The following NR1D2 variants were observed in gnomAD, a reference collection of about 807,000 sequenced individuals.
NR1D2 encodes nuclear receptor subfamily 1 group D member 2.
In NR1D2, 25 loss-of-function variants were observed where a neutral mutation model predicts 52.2. That is an observed-to-expected ratio of 0.48 (90% CI 0.35 to 0.67). NR1D2 has a LOEUF of 0.67. Among genes scored for constraint, NR1D2 ranks in the 30% least tolerant of loss-of-function variants. The pLI is 0.01. For missense variants in NR1D2, 681 were observed against 707.2 expected, an observed-to-expected ratio of 0.96 and a Z score of 0.42; for synonymous variants, 259 against 230.1, an observed-to-expected ratio of 1.13 and a Z score of -1.14.
At chr3:23,959,992 A>G in intron 4 of NR1D2, 177 bp downstream of exon 4, 1 of 461,412 alleles carries the variant, frequency 2.2e-6, no homozygotes, top group Non-Finnish European at 3.6e-6. Flanking sequence ...TTTTAGCATT[A>G]TCATCCCAGA....
intron 5 of NR1D2, among the ~76,000 whole-genome samples, chr3:23,964,459 T>C (rs1706386409): frequency 6.6e-6 from 1 of 152,184 alleles, no homozygotes; most frequent in African/African-American, 2.4e-5. Context: ...ATTCTACCTA[T>C]ATAGAAATAA....
At position 23,978,447 on chromosome 3, in the gene NR1D2, T is replaced by G. The variant is rs760659372; in HGVS notation, c.*1028T>G. ...TTGTTTATTTAAGCAACACTTAATG[T>G]AAAAGTGCAACAGGCAATTGAATCC... is the stretch of plus-strand genomic sequence containing the variant. On this transcript the variant is annotated 3_prime_UTR_variant, in exon 8 of 8. Coordinates refer to ENST00000312521, the MANE Select transcript of NR1D2 (RefSeq NM_005126.5). The G allele has an allele frequency of 6.6e-6, 1 of 151,440 alleles. No individual in the cohort carries two copies. Among genetic ancestry groups the G allele is most frequent in the Non-Finnish European group, 1.5e-5 (1 of 67,892 alleles). The allele number at this position is 151,440 out of a possible 1,614,324, so 9.4% of individuals were successfully genotyped here. A position where few individuals can be genotyped will look rare whatever the true frequency, so the allele number is the denominator to read the frequency against.
At chr3:23,955,868 T>G (rs1390311515) in intron 2 of NR1D2, among the ~76,000 whole-genome samples, 169 bp from the exon 3 acceptor site, 2 of 152,094 alleles carry the variant, frequency 1.3e-5, no homozygotes. Context: ...GTAAGAAAAT[T>G]ATGATTGTGA....
At chr3:23,969,414 A>G (rs1342557380) in intron 7 of NR1D2, among the ~76,000 whole-genome samples, 2 of 152,200 alleles carry the variant, frequency 1.3e-5, no homozygotes, top group Non-Finnish European at 2.9e-5. Context: ...GACCAGCTCT[A>G]CCTGGATAAC....
At chr3:23,955,137 AT>A (rs1706048105) in intron 2 of NR1D2, among the ~76,000 whole-genome samples, 1 of 152,220 alleles carries the variant, frequency 6.6e-6, no homozygotes, top group African/African-American at 2.4e-5. Flanking sequence ...GTACTTGCTC[AT>A]TGTGGGAAGG....
intron 1 of NR1D2, among the ~76,000 whole-genome samples, chr3:23,949,762 C>T (rs1705874416): frequency 6.6e-6 from 1 of 152,154 alleles, no homozygotes; most frequent in African/African-American, 2.4e-5. Context: ...ATGTTTTGTT[C>T]TAAGTCACAA....
At chr3:23,971,964 A>C (rs933826980) in intron 7 of NR1D2, among the ~76,000 whole-genome samples, 19 of 152,248 alleles carry the variant, frequency 1.2e-4, no homozygotes, top group Non-Finnish European at 2.1e-4. Context: ...ATGGTAAAGA[A>C]TAATGGAAAC....
chr3:23,973,515 T>A (rs1706644840), intron 7 of NR1D2, among the ~76,000 whole-genome samples: 1 of 152,166 alleles, frequency 6.6e-6, no homozygotes, highest in Admixed American at 6.5e-5. Context: ...GTGTAGGGCA[T>A]TTACCATGAA....
intron 1 of NR1D2, among the ~76,000 whole-genome samples, chr3:23,950,576 G>T (rs772862518): frequency 2.0e-5 from 3 of 152,186 alleles, no homozygotes; most frequent in Non-Finnish European, 4.4e-5. Flanking sequence ...CAGGTTCATA[G>T]ATGGGTGTCT....
intron 7 of NR1D2, among the ~76,000 whole-genome samples, chr3:23,969,650 A>G (rs1340857458): frequency 1.3e-5 from 2 of 152,220 alleles, no homozygotes; most frequent in African/African-American, 4.8e-5. Flanking sequence ...TGCCGTACCT[A>G]TTAGGTGCTC....
intron 7 of NR1D2, 93 bp from the exon 8 acceptor site, chr3:23,977,130 C>T (rs1706749692): frequency 2.9e-6 from 2 of 683,602 alleles, no homozygotes; most frequent in Non-Finnish European, 2.2e-6. Flanking sequence ...GCTTTCTATT[C>T]GTTAGTGACA....
intron 6 of NR1D2, 128 bp from the exon 7 acceptor site, chr3:23,967,685 A>G (rs1320563096): frequency 1.5e-6 from 1 of 655,594 alleles, no homozygotes; most frequent in Non-Finnish European, 2.6e-6. Flanking sequence ...GTAAAAGTAT[A>G]CCCTGTTTTT....
rs1705735026 is a variant in NR1D2 at position 23,946,749 on chromosome 3, C to T, written c.16+1155C>T. On this transcript the variant is annotated intron_variant, in intron 1 of 7. Transcript: ENST00000312521. ...TGTGGGTCGCTGACTTTTCCTGAAT[C>T]TGATCAAGAGAATTTGGCTTTATAA... is the stretch of plus-strand genomic sequence containing the variant. Among the ~76,000 whole-genome samples the T allele has an allele frequency of 2.6e-5, 4 of 152,192 alleles. No individual in the cohort carries two copies. The South Asian group carries it at 8.3e-4, about 32-fold the overall frequency.
At chr3:23,976,057 TA>T (rs1706716329) in intron 7 of NR1D2, among the ~76,000 whole-genome samples, 1 of 152,240 alleles carries the variant, frequency 6.6e-6, no homozygotes, top group African/African-American at 2.4e-5. Context: ...CCTCCTGTTG[TA>T]AAGGGAAAAA....
intron 7 of NR1D2, among the ~76,000 whole-genome samples, chr3:23,972,836 C>T (rs1706626556): frequency 6.6e-6 from 1 of 152,082 alleles, no homozygotes; most frequent in Non-Finnish European, 1.5e-5. Context: ...AGGTTTGTAC[C>T]TTAGGTTCTT....
intron 1 of NR1D2, chr3:23,946,365 C>G (rs1705708807): frequency 1.1e-6 from 1 of 918,980 alleles, no homozygotes; most frequent in Non-Finnish European, 1.3e-6. Flanking sequence ...GGGCGTGCTG[C>G]AGGCCGGAGG....
intron 1 of NR1D2, among the ~76,000 whole-genome samples, chr3:23,949,006 A>AT (rs1338638404): frequency 6.6e-6 from 1 of 152,162 alleles, no homozygotes; most frequent in Non-Finnish European, 1.5e-5. Context: ...CAGACATTAG[A>AT]TTACACCTTG....
chr3:23,979,616 A>G lies in NR1D2; in HGVS notation c.*2197A>G, dbSNP rs1228566172. 2.0e-5 allele frequency: 3 copies of G among 152,114 alleles called. No individual in the cohort carries two copies. The highest frequency in any genetic ancestry group is 6.5e-5 in the Admixed American group (1 of 15,280). The allele number at this position is 152,114 out of a possible 1,614,324, so 9.4% of individuals were successfully genotyped here. Reference sequence around the variant, plus strand: ...TTTTGTCTTGTAAAATTTTATTTGAATAAATTCTTCCTGTAGGTAATGGGA... The same window carrying G: ...TTTTGTCTTGTAAAATTTTATTTGAGTAAATTCTTCCTGTAGGTAATGGGA... On this transcript the variant is annotated 3_prime_UTR_variant, in exon 8 of 8. Transcript: ENST00000312521.
chr3:23,957,107 C>T (rs146160819), intron 3 of NR1D2, among the ~76,000 whole-genome samples: 9 of 151,882 alleles, frequency 5.9e-5, no homozygotes, highest in African/African-American at 2.2e-4. Context: ...CTCAGCCTCC[C>T]GAGTAGCTGG....
Sources: allele counts gnomAD v4.1 joint callset (sites outside exome capture counted in the v4.1 genomes callset), GRCh38; gene constraint gnomAD v4.1.1; transcripts MANE v1.5; gene names NCBI Gene and HGNC (gene_info 2026-07-23, HGNC 2026-07-21).